ANKS1B: variants seen among roughly 807,000 people sequenced by gnomAD.
The protein encoded by ANKS1B is ankyrin repeat and sterile alpha motif domain-containing protein 1B.
In ANKS1B, 36 loss-of-function variants were observed where a neutral mutation model predicts 148.3. That is an observed-to-expected ratio of 0.24 (90% CI 0.19 to 0.32). ANKS1B has a LOEUF of 0.32. Ranked by LOEUF, ANKS1B falls within the 10% of genes least tolerant of loss-of-function variation. The pLI, the probability that ANKS1B is intolerant of heterozygous loss-of-function variation, is 1.00. For synonymous variants in ANKS1B, 542 were observed against 560.8 expected (o/e 0.97, Z 0.47); for missense variants, 1,157 against 1,542.6 (o/e 0.75, Z 4.19).
chr12:99,011,618 G>A (rs374967690), intron 17 of ANKS1B, among the ~76,000 whole-genome samples: 2 of 152,198 alleles, frequency 1.3e-5, no homozygotes, highest in African/African-American at 4.8e-5. Context: ...AAATTACAAC[G>A]TGCTCGCACA....
intron 9 of ANKS1B, among the ~76,000 whole-genome samples, chr12:99,532,020 C>T (rs1596465089): frequency 6.7e-6 from 1 of 150,272 alleles, no homozygotes; most frequent in East Asian, 2.0e-4. Flanking sequence ...GTTCATATTG[C>T]TTGTCTACTT....
intron 12 of ANKS1B, among the ~76,000 whole-genome samples, chr12:99,267,240 G>A (rs2076536116): frequency 6.6e-6 from 1 of 152,136 alleles, no homozygotes; most frequent in South Asian, 2.1e-4. Context: ...CTCAAGCAAT[G>A]AATTTTCCAT....
intron 10 of ANKS1B, among the ~76,000 whole-genome samples, chr12:99,462,898 C>T (rs939237347): frequency 2.6e-5 from 4 of 152,154 alleles, no homozygotes; most frequent in Admixed American, 2.6e-4. Flanking sequence ...TGTGATATGC[C>T]TTCTCCCCCT....
chr12:99,908,472 TGA>T (rs1199237727), intron 1 of ANKS1B, among the ~76,000 whole-genome samples: 3 of 152,002 alleles, frequency 2.0e-5, no homozygotes, highest in African/African-American at 4.8e-5. Flanking sequence ...CCCAGCTACT[TGA>T]GAGTCTGAGG....
At chr12:99,714,178 C>T (rs115156763) in intron 8 of ANKS1B, among the ~76,000 whole-genome samples, 1,843 of 152,258 alleles carry the variant, frequency 0.012, 47 homozygotes, top group African/African-American at 0.042. Flanking sequence ...TGGATCTCCG[C>T]TTCTGTCATC....
chr12:99,716,159 G>A (rs548111086), intron 8 of ANKS1B, among the ~76,000 whole-genome samples: 23 of 150,374 alleles, frequency 1.5e-4, no homozygotes, highest in African/African-American at 2.2e-4. Context: ...CCTTATTTCC[G>A]TGCCCCGACC....
At chr12:99,909,461 G>C (rs1205908740) in intron 1 of ANKS1B, among the ~76,000 whole-genome samples, 1 of 152,028 alleles carries the variant, frequency 6.6e-6, no homozygotes, top group African/African-American at 2.4e-5. Context: ...TTAATTTTTT[G>C]AGGAACCTCC....
chr12:99,280,691 A>T (rs1566799442), intron 12 of ANKS1B, among the ~76,000 whole-genome samples: 1 of 152,146 alleles, frequency 6.6e-6, no homozygotes, highest in African/African-American at 2.4e-5. Flanking sequence ...AATTCCCATT[A>T]CCTGACTGCC....
intron 17 of ANKS1B, among the ~76,000 whole-genome samples, chr12:99,000,576 T>C (rs1355801573): frequency 6.6e-6 from 1 of 152,198 alleles, no homozygotes; most frequent in Non-Finnish European, 1.5e-5. Flanking sequence ...GCCAGGGCCT[T>C]CTTTTTTAAA....
chr12:99,776,679 T>TTTGG (rs1328424616), intron 6 of ANKS1B, among the ~76,000 whole-genome samples: 1,356 of 121,750 alleles, frequency 0.011, 15 homozygotes, highest in African/African-American at 0.035. Context: ...TTTGTTTCTT[T>TTTGG]TTGGTTGTTT....
intron 1 of ANKS1B, among the ~76,000 whole-genome samples, chr12:99,935,373 C>T (rs905386159): frequency 8.2e-6 from 1 of 121,808 alleles, no homozygotes; most frequent in Non-Finnish European, 1.8e-5. Context: ...AAAAAAAAAA[C>T]TATACAGTTA....
intron 17 of ANKS1B, among the ~76,000 whole-genome samples, chr12:98,988,893 A>G (rs886650669): frequency 2.6e-5 from 4 of 152,050 alleles, no homozygotes; most frequent in Non-Finnish European, 5.9e-5. Flanking sequence ...GCCATTTTGT[A>G]TATGTTCTTT....
intron 11 of ANKS1B, among the ~76,000 whole-genome samples, chr12:99,418,293 TG>T (rs2094968625): frequency 6.6e-6 from 1 of 152,172 alleles, no homozygotes; most frequent in African/African-American, 2.4e-5. Flanking sequence ...AATTACAAAA[TG>T]ATGTAAATTT....
chr12:99,284,988 C>G (rs988950248), intron 12 of ANKS1B, among the ~76,000 whole-genome samples: 2 of 152,138 alleles, frequency 1.3e-5, no homozygotes, highest in Non-Finnish European at 2.9e-5. Context: ...AAACTAAACA[C>G]ACTTAAAGTG....
rs12227899 is a variant in ANKS1B at position 99,057,157 on chromosome 12, T to C, written c.2626-3848A>G. ...TGGAATATGACATTCCCAGCAGTGC[T>C]ACGTATTTGTTGGGTGATCTTTGGC... On this transcript the variant is annotated intron_variant, in intron 16 of 26. Transcript: ENST00000683438. Among the ~76,000 whole-genome samples, 449 of 152,362 alleles carry C rather than the reference T, an allele frequency of 2.9e-3. 14 individuals carry two copies. The East Asian group carries it at 0.075, about 26-fold the overall frequency.
chr12:99,836,270 T>A (rs114278086), intron 1 of ANKS1B, among the ~76,000 whole-genome samples: 1 of 152,062 alleles, frequency 6.6e-6, no homozygotes, highest in Non-Finnish European at 1.5e-5. Flanking sequence ...GTTGGCTTTG[T>A]AGTAAATACA....
At chr12:99,804,600 T>C (rs1239946016) in intron 4 of ANKS1B, among the ~76,000 whole-genome samples, 1 of 152,116 alleles carries the variant, frequency 6.6e-6, no homozygotes, top group Non-Finnish European at 1.5e-5. Context: ...TCTGAACAAT[T>C]CCTAGGAAAT....
intron 14 of ANKS1B, among the ~76,000 whole-genome samples, chr12:99,183,657 A>G (rs2079420704): frequency 6.6e-6 from 1 of 152,172 alleles, no homozygotes; most frequent in Non-Finnish European, 1.5e-5. Context: ...AAACAACAAC[A>G]ATAACAACAA....
intron 16 of ANKS1B, among the ~76,000 whole-genome samples, chr12:99,062,810 G>A (rs925814525): frequency 2.0e-5 from 3 of 152,202 alleles, no homozygotes; most frequent in South Asian, 4.1e-4. Context: ...GTTCCAGGGT[G>A]CAGTGGAGAT....
Sources: allele counts gnomAD v4.1 joint callset (sites outside exome capture counted in the v4.1 genomes callset), GRCh38; gene constraint gnomAD v4.1.1; transcripts MANE v1.5; gene names NCBI Gene and HGNC (gene_info 2026-07-23, HGNC 2026-07-21).